Variants in DAB2IP observed in about 807,000 individuals in gnomAD.
DAB2IP encodes disabled homolog 2-interacting protein.
A neutral mutation model predicts 107.2 loss-of-function variants in DAB2IP; 28 were observed. That is an observed-to-expected ratio of 0.26 (90% CI 0.19 to 0.36). DAB2IP has a LOEUF of 0.36. Among genes scored for constraint, DAB2IP ranks in the 10% least tolerant of loss-of-function variants. The pLI, the probability that DAB2IP is intolerant of heterozygous loss-of-function variation, is 1.00. For synonymous variants in DAB2IP, 755 were observed against 706.4 expected, an observed-to-expected ratio of 1.07 and a Z score of -1.09; for missense variants, 1,400 against 1,644.7, an observed-to-expected ratio of 0.85 and a Z score of 2.57.
In DAB2IP at chr9:121,776,463, C is replaced by G. The variant is rs560455621; in HGVS notation, c.3314+72C>G. ...GCCATCGCTGCCTTCGAGGAGGCCC[C>G]TGGTCGGGGAGCCTCCTCAAAGGAT... is the stretch of plus-strand genomic sequence containing the variant. On this transcript the variant is annotated intron_variant, in intron 14 of 15. Transcript: ENST00000408936. This position sits in a 1 kb window ranked among gnomAD's most constrained non-coding sequence, Gnocchi z 5.4. The G allele has an allele frequency of 7.0e-7, 1 of 1,430,110 alleles. No homozygotes were observed. Among genetic ancestry groups the G allele is most frequent in the East Asian group, 2.5e-5 (1 of 40,044 alleles). 88.6% of individuals were successfully genotyped at this position (1,430,110 alleles called of 1,614,324 possible).
At chr9:121,622,752 C>G (rs760307392) in intron 1 of DAB2IP, among the ~76,000 whole-genome samples, 3 of 152,196 alleles carry the variant, frequency 2.0e-5, no homozygotes, top group Non-Finnish European at 4.4e-5. Context: ...CACCCCACCC[C>G]CTGCCCCCAG....
rs1831967092 is a variant in DAB2IP, at chr9:121,633,436, C to A, written c.41-45242C>A. 6.6e-6 allele frequency among the ~76,000 whole-genome samples: 1 copy of A among 152,126 alleles called. No individual in the cohort carries two copies. Among genetic ancestry groups the A allele is most frequent in the Non-Finnish European group, 1.5e-5 (1 of 68,042 alleles). On this transcript the variant is annotated intron_variant, in intron 1 of 16. Transcript: ENST00000259371. The surrounding 1 kb of genome is among the most constrained non-coding windows in gnomAD (Gnocchi z 5.1). ...AAACAGAGTGCCTGGTGAGGCCGTTCAGCGTCTGTGCTTTGTTATTCCTGT... is the reference window on the plus strand; with the variant it reads ...AAACAGAGTGCCTGGTGAGGCCGTTAAGCGTCTGTGCTTTGTTATTCCTGT...
rs750533878 is a variant in DAB2IP at position 121,701,723 on chromosome 9, A to G, written c.362+2265A>G. On this transcript the variant is annotated intron_variant, in intron 3 of 15. Coordinates refer to ENST00000408936, the Ensembl canonical transcript of DAB2IP. The surrounding 1 kb of genome is among the most constrained non-coding windows in gnomAD (Gnocchi z 4.7). ...CTGGGGCTGTCCCTGGAGTCATCCT[A>G]TTTGGAGTTCAGTGAGTAAAAACAA... Among the ~76,000 whole-genome samples the G allele has an allele frequency of 3.9e-5, 6 of 152,040 alleles. No homozygotes were observed. The highest frequency in any genetic ancestry group is 1.4e-4 in the African/African-American group (6 of 41,402).
chr9:121,638,882 A>G (rs1244565428), intron 1 of DAB2IP, among the ~76,000 whole-genome samples: 1 of 152,216 alleles, frequency 6.6e-6, no homozygotes, highest in Non-Finnish European at 1.5e-5. Context: ...CCAAGTCTAC[A>G]AAGCCAGCCC....
chr9:121,577,882 T>C (rs1161818623), intron 1 of DAB2IP, among the ~76,000 whole-genome samples: 2 of 152,152 alleles, frequency 1.3e-5, no homozygotes, highest in Non-Finnish European at 2.9e-5. Flanking sequence ...CTCTAGGCCC[T>C]GCAGCCTGAG....
chr9:121,763,373 C>G (rs1834035920), intron 6 of DAB2IP, 132 bp from the exon 7 acceptor site: 1 of 1,321,172 alleles, frequency 7.6e-7, no homozygotes, highest in Admixed American at 2.5e-5. Context: ...CACTGTTCCT[C>G]TCCGGGACCC....
In DAB2IP at chr9:121,699,465, C is replaced by T. The variant is rs1829644632; in HGVS notation, c.362+7C>T. 1.1e-5 allele frequency: 14 copies of T among 1,311,318 alleles called. No homozygotes were observed. The highest frequency in any genetic ancestry group is 1.4e-5 in the Non-Finnish European group (14 of 1,017,112). The allele number at this position is 1,311,318 out of a possible 1,614,324, so 81.2% of individuals were successfully genotyped here. On this transcript the variant is annotated splice_region_variant and intron_variant, in intron 3 of 15. Transcript: ENST00000408936. This position sits in a 1 kb window ranked among gnomAD's most constrained non-coding sequence, Gnocchi z 6.2. ...CCGCCGCGGACAATGAGAGGTGAGC[C>T]CGCCGCCGCCGCCCGGTCCCCCGCG...
chr9:121,725,016 C>G (rs535636173), intron 3 of DAB2IP, among the ~76,000 whole-genome samples: 1 of 152,230 alleles, frequency 6.6e-6, no homozygotes, highest in Admixed American at 6.5e-5. Flanking sequence ...GAGGAGAGCA[C>G]CCCCGGCACC....
chr9:121,740,720 T>C (rs1372128446), intron 3 of DAB2IP, among the ~76,000 whole-genome samples: 1 of 152,126 alleles, frequency 6.6e-6, no homozygotes, highest in Non-Finnish European at 1.5e-5. Flanking sequence ...AGACGCCTGG[T>C]GGGTTTCAGT....
At chr9:121,780,648 A>T (rs985542443) in intron 14 of DAB2IP, among the ~76,000 whole-genome samples, 3 of 152,178 alleles carry the variant, frequency 2.0e-5, no homozygotes, top group African/African-American at 7.2e-5. Flanking sequence ...GGAGACAGGC[A>T]GACCCAGAGA....
intron 3 of DAB2IP, among the ~76,000 whole-genome samples, chr9:121,717,724 G>C (rs977814431): frequency 4.6e-5 from 7 of 152,206 alleles, no homozygotes; most frequent in African/African-American, 1.7e-4. Flanking sequence ...TCAGGGTCCT[G>C]CCTTCCTGGG....
intron 3 of DAB2IP, among the ~76,000 whole-genome samples, chr9:121,725,113 C>T (rs1309504139): frequency 6.6e-6 from 1 of 152,162 alleles, no homozygotes; most frequent in Non-Finnish European, 1.5e-5. Context: ...GGAGCTCAGG[C>T]CTGGCCCGGC....
chr9:121,745,246 T>C (rs1015636919), intron 3 of DAB2IP, among the ~76,000 whole-genome samples: 2 of 152,130 alleles, frequency 1.3e-5, no homozygotes, highest in African/African-American at 4.8e-5. Context: ...GTGGGCTCAC[T>C]GTGGTGTGGT....
At chr9:121,730,866 A>C (rs998937896) in intron 3 of DAB2IP, among the ~76,000 whole-genome samples, 1 of 152,226 alleles carries the variant, frequency 6.6e-6, no homozygotes, top group Admixed American at 6.5e-5. Context: ...TGCAGTGTAC[A>C]TGCCAGCAGC....
intron 1 of DAB2IP, among the ~76,000 whole-genome samples, chr9:121,625,770 A>G (rs1831623462): frequency 1.3e-5 from 2 of 150,336 alleles, no homozygotes; most frequent in Admixed American, 1.3e-4. Context: ...ATTTGCTGTG[A>G]CCTGTATGGT....
Position 121,737,701 on chromosome 9 carries a change from G to A in DAB2IP, c.363-19312G>A, listed in dbSNP as rs145251128. On this transcript the variant is annotated intron_variant, in intron 3 of 15. Transcript: ENST00000408936. The stretch of plus-strand genomic sequence containing the variant: ...GAACCAGGTCAGCAGAGAGGCCTGC[G>A]CTCCCACCACAAAGGTCTGTTTGAA... The A allele has an allele frequency of 3.3e-3, 3,299 of 985,438 alleles. 13 individuals are homozygous for A. Among genetic ancestry groups the A allele is most frequent in the South Asian group, 3.6e-3 (77 of 21,288 alleles). 61.0% of individuals were successfully genotyped at this position (985,438 alleles called of 1,614,324 possible). A position where few individuals can be genotyped will look rare whatever the true frequency, so the allele number is the denominator to read the frequency against.
chr9:121,769,867 T>C (rs1214059743), intron 10 of DAB2IP, among the ~76,000 whole-genome samples: 1 of 152,240 alleles, frequency 6.6e-6, no homozygotes, highest in Non-Finnish European at 1.5e-5. Flanking sequence ...GCAACAGGGA[T>C]TTGAAACTCA....
intron 2 of DAB2IP, 108 bp downstream of exon 2, chr9:121,678,889 C>T (rs544957398): frequency 1.4e-5 from 15 of 1,049,532 alleles, no homozygotes; most frequent in Middle Eastern, 3.1e-4. Context: ...CTCATGGACC[C>T]GGAGAGCATC....
chr9:121,683,136 A>G (rs1370898162), intron 2 of DAB2IP, among the ~76,000 whole-genome samples: 3 of 151,976 alleles, frequency 2.0e-5, no homozygotes, highest in Non-Finnish European at 4.4e-5. Context: ...ATCTGCATAG[A>G]CCAATGGTCA....
Sources: gnomAD v4.1 joint callset for allele counts (sites outside exome capture counted in the v4.1 genomes callset) on GRCh38, gnomAD v4.1.1 for gene constraint, Gnocchi (gnomAD v3.1) non-coding constraint, MANE v1.5 for transcripts, NCBI Gene and HGNC (gene_info 2026-07-23, HGNC 2026-07-21) for gene names.